PPM1L: variants seen among roughly 807,000 people sequenced by gnomAD.
PPM1L encodes the protein protein phosphatase, Mg2+/Mn2+ dependent 1L.
Under a neutral mutation model 31.4 loss-of-function variants are expected in PPM1L, and 13 were observed. That is an observed-to-expected ratio of 0.41 (90% CI 0.27 to 0.66). PPM1L has a LOEUF of 0.66. PPM1L is among the 30% of genes least tolerant of loss of function. The pLI, the probability that PPM1L is intolerant of heterozygous loss-of-function variation, is 0.29. For missense variants in PPM1L, 326 were observed against 453.7 expected (o/e 0.72, Z 2.56); for synonymous variants, 184 against 175.4 (o/e 1.05, Z -0.39).
intron 1 of PPM1L, among the ~76,000 whole-genome samples, chr3:160,872,483 C>T (rs1384112812): frequency 7.9e-5 from 12 of 152,198 alleles, no homozygotes; most frequent in Admixed American, 7.9e-4. Context: ...CCCCTGCTCT[C>T]AGGAAGTTTA....
At chr3:160,865,223 G>C (rs2108024981) in intron 1 of PPM1L, among the ~76,000 whole-genome samples, 1 of 152,180 alleles carries the variant, frequency 6.6e-6, no homozygotes, top group Non-Finnish European at 1.5e-5. Flanking sequence ...TAAAGTCTCA[G>C]AGAAGACATG....
chr3:160,856,993 T>C (rs1576673524), intron 1 of PPM1L, among the ~76,000 whole-genome samples: 1 of 152,176 alleles, frequency 6.6e-6, no homozygotes, highest in East Asian at 1.9e-4. Flanking sequence ...TCCAGAAGTA[T>C]ATTTTGATGT....
chr3:160,935,513 G>A (rs540068625), intron 1 of PPM1L, among the ~76,000 whole-genome samples: 1 of 152,334 alleles, frequency 6.6e-6, no homozygotes, highest in South Asian at 2.1e-4. Context: ...AAATACTGCA[G>A]TGCAGCAGAG....
At chr3:160,827,747 G>T (rs1253645451) in intron 1 of PPM1L, among the ~76,000 whole-genome samples, 4 of 152,106 alleles carry the variant, frequency 2.6e-5, no homozygotes, top group Admixed American at 2.6e-4. Flanking sequence ...AGATGGGTCA[G>T]TGGGTATATT....
chr3:161,055,491 A>G lies in PPM1L; in HGVS notation c.575-9912A>G, dbSNP rs116694000. Among the ~76,000 whole-genome samples, 334 of 152,174 alleles carry G rather than the reference A, an allele frequency of 2.2e-3. 3 individuals are homozygous for G. The highest frequency in any genetic ancestry group is 3.8e-3 in the Non-Finnish European group (258 of 67,986). ...TCTTTTTCCAGTATGTTGCACTCCA[A>G]TGTAATTTCTGTCCGTTATCAGGCC... On this transcript the variant is annotated intron_variant, in intron 2 of 3. Transcript: ENST00000498165.
At chr3:160,758,744 C>T (rs758151328) in intron 1 of PPM1L, among the ~76,000 whole-genome samples, 5 of 152,108 alleles carry the variant, frequency 3.3e-5, no homozygotes, top group Middle Eastern at 3.2e-3. Flanking sequence ...TTTTATTTTA[C>T]TAAAAGTATT....
intron 1 of PPM1L, among the ~76,000 whole-genome samples, chr3:160,872,356 C>A (rs913575679): frequency 1.3e-5 from 2 of 151,944 alleles, no homozygotes; most frequent in African/African-American, 4.8e-5. Context: ...CTTTTTTCTC[C>A]CTCTTTCATC....
intron 1 of PPM1L, among the ~76,000 whole-genome samples, chr3:160,936,898 G>C (rs1208794645): frequency 1.3e-5 from 2 of 152,164 alleles, no homozygotes; most frequent in Non-Finnish European, 2.9e-5. Context: ...AAAGTAGAAT[G>C]AATTTCACTT....
At chr3:161,038,121 C>G (rs1718800069) in intron 2 of PPM1L, among the ~76,000 whole-genome samples, 1 of 150,780 alleles carries the variant, frequency 6.6e-6, no homozygotes, top group African/African-American at 2.4e-5. Context: ...GTAGTCCCAG[C>G]TACTCGGGAG....
At chr3:161,048,909 A>C (rs1316678882) in intron 2 of PPM1L, among the ~76,000 whole-genome samples, 3 of 117,660 alleles carry the variant, frequency 2.5e-5, no homozygotes, top group Non-Finnish European at 4.9e-5. Context: ...GAAGGGGAAC[A>C]TCACACACTG....
At chr3:160,792,773 T>C (rs1256016353) in intron 1 of PPM1L, among the ~76,000 whole-genome samples, 1 of 152,186 alleles carries the variant, frequency 6.6e-6, no homozygotes, top group Non-Finnish European at 1.5e-5. Flanking sequence ...CTTAGGGAAG[T>C]ACCATACTTA....
intron 2 of PPM1L, among the ~76,000 whole-genome samples, chr3:161,060,854 T>C (rs1377957482): frequency 1.3e-5 from 2 of 152,044 alleles, no homozygotes; most frequent in Non-Finnish European, 2.9e-5. Context: ...TATGGAAATA[T>C]CCTGAGGTTC....
chr3:160,924,900 T>C (rs1171352032), intron 1 of PPM1L, among the ~76,000 whole-genome samples: 5 of 152,260 alleles, frequency 3.3e-5, no homozygotes, highest in African/African-American at 1.2e-4. Context: ...AGATTTCCTT[T>C]CTGGTATGTT....
At chr3:161,045,702 A>G (rs1719038380) in intron 2 of PPM1L, among the ~76,000 whole-genome samples, 1 of 152,226 alleles carries the variant, frequency 6.6e-6, no homozygotes, top group African/African-American at 2.4e-5. Context: ...TAACATTACA[A>G]TTAAAGGTAC....
intron 2 of PPM1L, among the ~76,000 whole-genome samples, chr3:161,050,490 A>G (rs941563247): frequency 1.3e-5 from 2 of 152,194 alleles, no homozygotes; most frequent in African/African-American, 4.8e-5. Flanking sequence ...AAAAGCTGAT[A>G]TCCTTTTTTC....
intron 1 of PPM1L, among the ~76,000 whole-genome samples, chr3:160,824,032 A>G (rs1242273187): frequency 2.6e-5 from 4 of 152,204 alleles, no homozygotes; most frequent in African/African-American, 9.6e-5. Flanking sequence ...ATATAAATGT[A>G]TGAGTGTGCA....
At chr3:160,792,882 C>T (rs546573780) in intron 1 of PPM1L, among the ~76,000 whole-genome samples, 82 of 152,216 alleles carry the variant, frequency 5.4e-4, no homozygotes, top group Non-Finnish European at 1.0e-3. Flanking sequence ...CTTCAGGACA[C>T]AATCACTCTC....
chr3:161,023,361 A>G (rs1454475829), intron 2 of PPM1L, among the ~76,000 whole-genome samples: 3 of 151,924 alleles, frequency 2.0e-5, no homozygotes, highest in Admixed American at 6.5e-5. Flanking sequence ...AATCCTATAT[A>G]TGTTGTTGCA....
At chr3:160,863,129 T>C (rs1318240917) in intron 1 of PPM1L, among the ~76,000 whole-genome samples, 1 of 152,232 alleles carries the variant, frequency 6.6e-6, no homozygotes, top group African/African-American at 2.4e-5. Flanking sequence ...AAACGTGTCA[T>C]GTATTTTGTC....
Sources: gnomAD v4.1 joint callset for allele counts (sites outside exome capture counted in the v4.1 genomes callset) on GRCh38, gnomAD v4.1.1 for gene constraint, MANE v1.5 for transcripts, NCBI Gene and HGNC (gene_info 2026-07-23, HGNC 2026-07-21) for gene names.